Variants in STK32B observed in about 807,000 individuals in gnomAD.
STK32B encodes serine/threonine-protein kinase 32B.
In STK32B, 43 loss-of-function variants were observed where a neutral mutation model predicts 52.6. The observed-to-expected ratio is 0.82, with a 90% confidence interval of 0.64 to 1.05. The LOEUF (loss-of-function observed/expected upper bound fraction) is 1.05, where lower values mean the gene tolerates loss of function less well. Ranked by LOEUF, STK32B falls within the 50% of genes least tolerant of loss-of-function variation. STK32B has a pLI of 0.00. For missense variants in STK32B, 621 were observed against 534.6 expected (o/e 1.16, Z -1.59); for synonymous variants, 238 against 204.3 (o/e 1.17, Z -1.41).
chr4:5,381,318 C>T (rs1735919495), intron 4 of STK32B, among the ~76,000 whole-genome samples: 1 of 152,182 alleles, frequency 6.6e-6, no homozygotes, highest in Non-Finnish European at 1.5e-5. Context: ...GCATTTAAGT[C>T]TCCAGGTCAG....
intron 11 of STK32B, among the ~76,000 whole-genome samples, chr4:5,482,213 A>G (rs1718775247): frequency 6.6e-6 from 1 of 152,354 alleles, no homozygotes; most frequent in African/African-American, 2.4e-5. Flanking sequence ...CTTCCTACCC[A>G]TGAATATGGA....
At chr4:5,219,796 C>A (rs1723409809) in intron 3 of STK32B, among the ~76,000 whole-genome samples, 1 of 152,236 alleles carries the variant, frequency 6.6e-6, no homozygotes, top group Admixed American at 6.5e-5. Context: ...TTGTCTAATT[C>A]ATTTGTCAGC....
At chr4:5,340,326 G>T (rs571202206) in intron 4 of STK32B, among the ~76,000 whole-genome samples, 1 of 152,316 alleles carries the variant, frequency 6.6e-6, no homozygotes, top group East Asian at 1.9e-4. Context: ...GGCAGGGGCC[G>T]AGTTGGCAAG....
chr4:5,480,552 G>A (rs1718605223), intron 11 of STK32B, among the ~76,000 whole-genome samples: 1 of 152,002 alleles, frequency 6.6e-6, no homozygotes, highest in African/African-American at 2.4e-5. Flanking sequence ...GAATGTTTAG[G>A]TTAAGATAAA....
rs988914828 is a variant in STK32B at position 5,378,017 on chromosome 4, G to A, written c.435-20190G>A. Among the ~76,000 whole-genome samples, 7 of 152,176 alleles carry A rather than the reference G, an allele frequency of 4.6e-5. No homozygotes were observed. Among genetic ancestry groups the A allele is most frequent in the African/African-American group, 9.7e-5 (4 of 41,432 alleles). Reference sequence around the variant, plus strand: ...AGGATTTGAGATGGATTCTACTCTCGCTTTGTATTAAAAAGGGTAGTGGGA... The same window carrying A: ...AGGATTTGAGATGGATTCTACTCTCACTTTGTATTAAAAAGGGTAGTGGGA... On this transcript the variant is annotated intron_variant, in intron 4 of 11. Transcript: ENST00000282908. This position sits in a 1 kb window ranked among gnomAD's most constrained non-coding sequence, Gnocchi z 4.4.
At chr4:5,246,142 C>G (rs1011724886) in intron 3 of STK32B, among the ~76,000 whole-genome samples, 1 of 152,214 alleles carries the variant, frequency 6.6e-6, no homozygotes, top group African/African-American at 2.4e-5. Flanking sequence ...TGGGGAAGTT[C>G]TCTTGGATAA....
At chr4:5,034,806 G>A in the STK32B span, among the ~76,000 whole-genome samples, 1 of 152,144 alleles carries the variant, frequency 6.6e-6, no homozygotes, top group Admixed American at 6.5e-5. Flanking sequence ...AGGCTCCATC[G>A]TCAGACACTG....
intron 3 of STK32B, among the ~76,000 whole-genome samples, chr4:5,225,201 T>G (rs1723782584): frequency 6.6e-6 from 1 of 152,066 alleles, no homozygotes; most frequent in Non-Finnish European, 1.5e-5. Context: ...GGTGGATCAC[T>G]TGAGGTCAGG....
intron 7 of STK32B, among the ~76,000 whole-genome samples, chr4:5,448,864 TTC>T (rs745747138): frequency 2.6e-5 from 4 of 152,198 alleles, no homozygotes; most frequent in Non-Finnish European, 5.9e-5. Context: ...AAATAATTTA[TTC>T]TCTGTTTTTC....
rs1193462359 is a variant in STK32B at position 5,489,621 on chromosome 4, A to ATTTTTTTTTTTT, written c.1107-9318_1107-9317insTTTTTTTTTTTT. Among the ~76,000 whole-genome samples, 3 of 151,700 alleles carry ATTTTTTTTTTTT rather than the reference A, an allele frequency of 2.0e-5. No homozygotes were observed. The East Asian group carries it at 6.0e-4, about 30-fold the overall frequency. ...ACAACAATTTTATTTTATTTTATTT[A>ATTTTTTTTTTTT]TTTTTTATTATTTTTTTTGAGATGG... On this transcript the variant is annotated intron_variant, in intron 11 of 11. Transcript: ENST00000282908.
At chr4:5,495,737 T>C (rs1015720735) in intron 11 of STK32B, among the ~76,000 whole-genome samples, 1 of 152,168 alleles carries the variant, frequency 6.6e-6, no homozygotes, top group Admixed American at 6.5e-5. Context: ...ATGATGGTGA[T>C]GTACAGATGG....
At chr4:5,138,001 C>T (rs552314056) in intron 1 of STK32B, among the ~76,000 whole-genome samples, 2 of 152,166 alleles carry the variant, frequency 1.3e-5, no homozygotes, top group South Asian at 2.1e-4. Context: ...GGGAGTTTCT[C>T]GACAGGACAT....
Position 5,456,933 on chromosome 4 carries a change from C to T in STK32B, c.783+10C>T, listed in dbSNP as rs898847789. The T allele has an allele frequency of 7.3e-6, 11 of 1,514,962 alleles. No homozygotes were observed. The highest frequency in any genetic ancestry group is 1.4e-5 in the African/African-American group (1 of 72,322). 93.8% of individuals were successfully genotyped at this position (1,514,962 alleles called of 1,614,324 possible). A position where few individuals can be genotyped will look rare whatever the true frequency, so the allele number is the denominator to read the frequency against. On this transcript the variant is annotated intron_variant, in intron 8 of 11. Coordinates refer to ENST00000282908, the MANE Select transcript of STK32B (RefSeq NM_018401.3). ...GGCCCTGCTGAGGAAGGTAAGGGGG[C>T]AGCTTCCAGCCTGCCCCGCCAGGGA... is the stretch of plus-strand genomic sequence containing the variant.
chr4:5,174,340 C>T (rs1023659452), intron 3 of STK32B, among the ~76,000 whole-genome samples: 222 of 152,208 alleles, frequency 1.5e-3, no homozygotes, highest in African/African-American at 4.8e-3. Context: ...TTGATCCTGT[C>T]ATTATGATGT....
Position 5,399,094 on chromosome 4 carries a change from G to A in STK32B, c.472+850G>A, listed in dbSNP as rs949425056. 6.6e-6 allele frequency among the ~76,000 whole-genome samples: 1 copy of A among 150,602 alleles called. No homozygotes were observed. The highest frequency in any genetic ancestry group is 1.9e-4 in the East Asian group (1 of 5,192). On this transcript the variant is annotated intron_variant, in intron 5 of 11. Transcript: ENST00000282908. The surrounding 1 kb of genome is among the most constrained non-coding windows in gnomAD (Gnocchi z 5.4). ...GGGCTCAGATCAAGAATGCTCAGTG[G>A]ACTTGACAATCAATTGTGGCTGATG...
At chr4:5,370,481 T>C (rs1735155792) in intron 4 of STK32B, among the ~76,000 whole-genome samples, 1 of 152,140 alleles carries the variant, frequency 6.6e-6, no homozygotes, top group Non-Finnish European at 1.5e-5. Flanking sequence ...TGATGAACAA[T>C]CTTATTCAAG....
chr4:5,367,488 G>T (rs959857626), intron 4 of STK32B, among the ~76,000 whole-genome samples: 1 of 152,116 alleles, frequency 6.6e-6, no homozygotes, highest in African/African-American at 2.4e-5. Flanking sequence ...AGGCTGGGGG[G>T]TCGCTGAGTA....
chr4:5,108,164 T>C (rs1407116566), intron 1 of STK32B, among the ~76,000 whole-genome samples: 5 of 152,238 alleles, frequency 3.3e-5, no homozygotes, highest in Non-Finnish European at 5.9e-5. Context: ...TTGCATCTTA[T>C]ATGTTTCCGA....
chr4:5,146,651 T>C (rs900032897), intron 2 of STK32B, among the ~76,000 whole-genome samples: 13 of 152,140 alleles, frequency 8.5e-5, no homozygotes, highest in African/African-American at 2.4e-5. Flanking sequence ...GAACCAATAC[T>C]TTGCATCCTT....
Sources: gnomAD v4.1 joint callset for allele counts (sites outside exome capture counted in the v4.1 genomes callset) on GRCh38, gnomAD v4.1.1 for gene constraint, Gnocchi (gnomAD v3.1) non-coding constraint, MANE v1.5 for transcripts, NCBI Gene and HGNC (gene_info 2026-07-23, HGNC 2026-07-21) for gene names.